The following FRMD4A variants were observed in gnomAD, a reference collection of about 807,000 sequenced individuals.
The protein encoded by FRMD4A is FERM domain-containing protein 4A.
In FRMD4A, 29 loss-of-function variants were observed where a neutral mutation model predicts 129.1. The observed-to-expected ratio is 0.22, with a 90% confidence interval of 0.17 to 0.31. The LOEUF is 0.31. FRMD4A is among the 10% of genes least tolerant of loss of function. The pLI is 1.00. For synonymous variants in FRMD4A, 634 were observed against 571.6 expected (o/e 1.11, Z -1.56); for missense variants, 1,272 against 1,375.8 (o/e 0.92, Z 1.19).
At chr10:13,884,103 A>AACACACACACACAC (rs57338480) in intron 2 of FRMD4A, among the ~76,000 whole-genome samples, 1 of 105,636 alleles carries the variant, frequency 9.5e-6, no homozygotes, top group Non-Finnish European at 2.0e-5. Context: ...ATGGAAAAGA[A>AACACACACACACAC]ACACACACAC....
At chr10:13,957,038 A>C (rs1412301399) in intron 2 of FRMD4A, among the ~76,000 whole-genome samples, 1 of 152,228 alleles carries the variant, frequency 6.6e-6, no homozygotes, top group Non-Finnish European at 1.5e-5. Flanking sequence ...TAATTGGCTT[A>C]GAAAGTCGTG....
chr10:14,153,974 CGGCCA>C (rs1840471117), intron 2 of FRMD4A, among the ~76,000 whole-genome samples: 2 of 150,912 alleles, frequency 1.3e-5, no homozygotes, highest in African/African-American at 4.8e-5. Context: ...TGTGTCCCAA[CGGCCA>C]TGACGGGGTC....
intron 2 of FRMD4A, among the ~76,000 whole-genome samples, chr10:14,134,668 G>A (rs555122243): frequency 6.7e-6 from 1 of 150,336 alleles, no homozygotes; most frequent in South Asian, 2.1e-4. Context: ...GATAGATGGG[G>A]GTACAAATGA....
intron 2 of FRMD4A, among the ~76,000 whole-genome samples, chr10:14,305,631 G>A (rs1396381306): frequency 6.6e-6 from 1 of 152,250 alleles, no homozygotes; most frequent in East Asian, 1.9e-4. Flanking sequence ...CTGTTCTACA[G>A]AGAGTGAGAC....
At chr10:14,147,364 T>G (rs1307337874) in intron 2 of FRMD4A, among the ~76,000 whole-genome samples, 1 of 152,174 alleles carries the variant, frequency 6.6e-6, no homozygotes, top group East Asian at 1.9e-4. Context: ...CATTTTGGCA[T>G]CAGGGACTGG....
chr10:14,038,515 C>T (rs1565203648), intron 2 of FRMD4A, among the ~76,000 whole-genome samples: 1 of 152,080 alleles, frequency 6.6e-6, no homozygotes, highest in African/African-American at 2.4e-5. Flanking sequence ...TCTCCTTAGC[C>T]TTGAAAAGAG....
At chr10:14,127,979 C>CTTTCTTTCT (rs58342864) in intron 2 of FRMD4A, among the ~76,000 whole-genome samples, 4 of 31,046 alleles carry the variant, frequency 1.3e-4, no homozygotes, top group Non-Finnish European at 2.7e-4. Flanking sequence ...TCTTTCTTTC[C>CTTTCTTTCT]TTCTCTCTCT....
chr10:14,078,088 A>G (rs1279213987), intron 2 of FRMD4A, among the ~76,000 whole-genome samples: 1 of 152,198 alleles, frequency 6.6e-6, no homozygotes, highest in East Asian at 1.9e-4. Context: ...CTGTTATTAG[A>G]TTTCTGAGGC....
At chr10:13,690,319 C>G (rs7079380) in intron 15 of FRMD4A, among the ~76,000 whole-genome samples, 123,788 of 152,238 alleles carry the variant, frequency 0.81, 50,559 homozygotes, top group African/African-American at 0.86. Context: ...CAAGGGATGT[C>G]GAATCAGCCC....
intron 2 of FRMD4A, among the ~76,000 whole-genome samples, chr10:13,996,421 C>T (rs1014364957): frequency 4.0e-5 from 6 of 151,590 alleles, no homozygotes; most frequent in Non-Finnish European, 7.4e-5. Context: ...TGACTCTGCT[C>T]ATCTACACCC....
chr10:13,674,021 G>C (rs7082578), intron 16 of FRMD4A, among the ~76,000 whole-genome samples: 1 of 151,890 alleles, frequency 6.6e-6, no homozygotes, highest in South Asian at 2.1e-4. Flanking sequence ...TCCTGCCTCA[G>C]CCTCCCAAAG....
At chr10:14,084,505 A>T (rs1836138059) in intron 2 of FRMD4A, among the ~76,000 whole-genome samples, 1 of 152,172 alleles carries the variant, frequency 6.6e-6, no homozygotes, top group African/African-American at 2.4e-5. Context: ...TTTCTATGTT[A>T]TGTGATGCTT....
rs998684861 is a variant in FRMD4A at position 13,975,588 on chromosome 10, CTGTG to C, written c.46-116680_46-116677del. On this transcript the variant is annotated intron_variant, in intron 2 of 24. Coordinates refer to ENST00000357447, the MANE Select transcript of FRMD4A (RefSeq NM_018027.5). ...TGTCTGTGTCTGTCTCTGTGAATCT[CTGTG>C]TGTGTCTGTCTCGTGTGTGTCTATG... Among the ~76,000 whole-genome samples the C allele has an allele frequency of 9.3e-5, 14 of 150,714 alleles. No individual in the cohort carries two copies. The South Asian group carries it at 2.1e-3, about 23-fold the overall frequency.
At chr10:13,838,839 G>C (rs1352731373) in intron 3 of FRMD4A, among the ~76,000 whole-genome samples, 1 of 152,052 alleles carries the variant, frequency 6.6e-6, no homozygotes, top group Non-Finnish European at 1.5e-5. Context: ...TAGACTGTAA[G>C]TTCCTGGGAG....
At chr10:13,819,355 TC>T (rs1199934731) in intron 3 of FRMD4A, among the ~76,000 whole-genome samples, 1 of 151,942 alleles carries the variant, frequency 6.6e-6, no homozygotes, top group African/African-American at 2.4e-5. Flanking sequence ...CATTCCATTC[TC>T]CCCCTCCCCC....
chr10:13,948,925 C>T (rs1426253919), intron 2 of FRMD4A, among the ~76,000 whole-genome samples: 1 of 151,802 alleles, frequency 6.6e-6, no homozygotes, highest in African/African-American at 2.4e-5. Context: ...GTTGGGATTA[C>T]AGGTGTGAGC....
intron 2 of FRMD4A, among the ~76,000 whole-genome samples, chr10:14,224,446 C>A (rs1454770126): frequency 3.9e-5 from 6 of 152,170 alleles, no homozygotes; most frequent in Admixed American, 6.5e-5. Flanking sequence ...GTCTTTCTTC[C>A]CTCATTTCCA....
chr10:13,870,563 A>G lies in FRMD4A; in HGVS notation c.46-11651T>C, dbSNP rs138954168. On this transcript the variant is annotated intron_variant, in intron 2 of 24. Coordinates refer to ENST00000357447, the MANE Select transcript of FRMD4A (RefSeq NM_018027.5). ...TGCTGGGGACACAGGTGACCCAAGG[A>G]GCCGTGGTCCTGTTTCTTGCTGATT... 1.7e-3 allele frequency among the ~76,000 whole-genome samples: 264 copies of G among 152,288 alleles called. 7 individuals carry two copies. In the East Asian group the frequency reaches 0.046, roughly 27 times the overall value.
chr10:13,843,499 T>C (rs987535974), intron 3 of FRMD4A, among the ~76,000 whole-genome samples: 4 of 152,118 alleles, frequency 2.6e-5, no homozygotes, highest in African/African-American at 9.7e-5. Context: ...GAAAGTCTCT[T>C]TTCTGCTTTT....
Sources: gnomAD v4.1 joint callset for allele counts (sites outside exome capture counted in the v4.1 genomes callset) on GRCh38, gnomAD v4.1.1 for gene constraint, MANE v1.5 for transcripts, NCBI Gene and HGNC (gene_info 2026-07-23, HGNC 2026-07-21) for gene names.